The following PLXNA4 variants were observed in gnomAD, a reference collection of about 807,000 sequenced individuals.
PLXNA4 encodes the protein plexin A4, also known as plexin-A4.
A neutral mutation model predicts 191.8 loss-of-function variants in PLXNA4; 44 were observed. That is an observed-to-expected ratio of 0.23 (90% CI 0.18 to 0.29). The LOEUF is 0.29. Among genes scored for constraint, PLXNA4 ranks in the 10% least tolerant of loss-of-function variants. The probability of loss-of-function intolerance (pLI) is 1.00; values close to 1 mark genes in which losing one functional copy is unlikely to be tolerated. For synonymous variants in PLXNA4, 1,082 were observed against 1,009.5 expected (o/e 1.07, Z -1.36); for missense variants, 1,800 against 2,488.8 (o/e 0.72, Z 5.89).
At chr7:132,586,974 A>G (rs1462270421) in intron 2 of PLXNA4, among the ~76,000 whole-genome samples, 2 of 152,230 alleles carry the variant, frequency 1.3e-5, no homozygotes, top group African/African-American at 2.4e-5. Context: ...TAAGCTCAAT[A>G]TGAATCAATA....
chr7:132,508,492 C>T lies in PLXNA4; in HGVS notation c.202G>A (p.Val68Ile), dbSNP rs777642451. ...CTGGAGAGCTTGTAAATCCGATTGA[C>T]GGCCCCCAAGTAAATGTGTCCTGTC... ...ERTGHIYLGA[V>I]NRIYKLSSDL... Residue 68 changes from valine to isoleucine, a missense_variant, in exon 2 of 32, where the codon GTC (valine) becomes ATC (isoleucine). This residue lies in a region of PLXNA4 where 1,397 missense variants were observed against 1,880.4 expected (regional missense o/e 0.74). Coordinates refer to ENST00000321063, the MANE Select transcript of PLXNA4 (RefSeq NM_020911.2). The surrounding 1 kb of genome is among the most constrained non-coding windows in gnomAD (Gnocchi z 4.4). 9 of 1,614,056 alleles carry T rather than the reference C, an allele frequency of 5.6e-6. No individual in the cohort carries two copies. The highest frequency in any genetic ancestry group is 1.1e-5 in the South Asian group (1 of 91,086).
chr7:132,578,380 C>T (rs551430486), upstream of PLXNA4, among the ~76,000 whole-genome samples: 243 of 152,352 alleles, frequency 1.6e-3, 1 homozygote, highest in African/African-American at 5.7e-3. Flanking sequence ...GGCCTCCTCT[C>T]TCCTGTCCCT....
chr7:132,585,719 G>C (rs1802494475), intron 2 of PLXNA4, among the ~76,000 whole-genome samples: 1 of 152,178 alleles, frequency 6.6e-6, no homozygotes, highest in African/African-American at 2.4e-5. Flanking sequence ...CTCCTTTCCT[G>C]TTTATGTCCT....
At chr7:132,133,604 G>A (rs1795031121) in intron 30 of PLXNA4, among the ~76,000 whole-genome samples, 1 of 152,158 alleles carries the variant, frequency 6.6e-6, no homozygotes, top group Non-Finnish European at 1.5e-5. Flanking sequence ...GCTCTTCCGA[G>A]CGGTTGCTCT....
At chr7:132,439,976 G>GTGTGCA (rs202227972) in intron 3 of PLXNA4, among the ~76,000 whole-genome samples, 2 of 129,824 alleles carry the variant, frequency 1.5e-5, no homozygotes, top group Non-Finnish European at 1.6e-5. Flanking sequence ...GTGCACACAT[G>GTGTGCA]TGTGCATGTG....
intron 4 of PLXNA4, among the ~76,000 whole-genome samples, chr7:132,254,245 A>G (rs79601918): frequency 0.013 from 1,957 of 152,304 alleles, 38 homozygotes; most frequent in African/African-American, 0.045. Flanking sequence ...TGTGATCTCA[A>G]AAAAGTACAG....
chr7:132,285,396 C>T (rs578081838), intron 4 of PLXNA4, among the ~76,000 whole-genome samples: 1 of 152,308 alleles, frequency 6.6e-6, no homozygotes, highest in East Asian at 1.9e-4. Flanking sequence ...ACCTGTTCCT[C>T]CACCTCTTCA....
At chr7:132,560,858 G>C (rs1801008195) in intron 1 of PLXNA4, among the ~76,000 whole-genome samples, 3 of 152,020 alleles carry the variant, frequency 2.0e-5, no homozygotes, top group African/African-American at 7.2e-5. Flanking sequence ...TAATTCCTAC[G>C]ATGCACTTCT....
At position 132,223,417 on chromosome 7, in the gene PLXNA4, G is replaced by T. The variant is rs1798209006; in HGVS notation, c.2097+110C>A. 9.3e-6 allele frequency: 8 copies of T among 864,580 alleles called. No homozygotes were observed. The South Asian group carries it at 1.1e-4, about 12-fold the overall frequency. 53.6% of individuals were successfully genotyped at this position (864,580 alleles called of 1,614,324 possible). ...GACCCTTAAGAGCCAGGAAGAAGGG[G>T]GTGGTCCTGCACAGTTTTCCTTTGG... is the stretch of plus-strand genomic sequence containing the variant. On this transcript the variant is annotated intron_variant, in intron 9 of 31. Transcript: ENST00000321063.
chr7:132,585,150 C>A (rs1413383079), intron 2 of PLXNA4, among the ~76,000 whole-genome samples: 1 of 152,146 alleles, frequency 6.6e-6, no homozygotes, highest in Non-Finnish European at 1.5e-5. Context: ...CTGTTTGGCA[C>A]TAGATTGATT....
chr7:132,194,912 T>A (rs952422137), intron 13 of PLXNA4, among the ~76,000 whole-genome samples: 6 of 152,014 alleles, frequency 3.9e-5, no homozygotes, highest in Non-Finnish European at 8.8e-5. Context: ...GTATGTATCT[T>A]TGCAGACATA....
chr7:132,157,909 G>A (rs970196608), intron 25 of PLXNA4, among the ~76,000 whole-genome samples: 1 of 152,174 alleles, frequency 6.6e-6, no homozygotes, highest in African/African-American at 2.4e-5. Flanking sequence ...CACCCCATGA[G>A]TCTGTGGGCT....
chr7:132,436,365 C>T (rs1316418050), intron 3 of PLXNA4, among the ~76,000 whole-genome samples: 2 of 152,206 alleles, frequency 1.3e-5, no homozygotes, highest in Non-Finnish European at 2.9e-5. Flanking sequence ...AAGGCCATGG[C>T]AACGAACACC....
At chr7:132,264,900 G>A (rs987198825) in intron 4 of PLXNA4, among the ~76,000 whole-genome samples, 1 of 152,064 alleles carries the variant, frequency 6.6e-6, no homozygotes, top group Non-Finnish European at 1.5e-5. Flanking sequence ...GTTTCACCAT[G>A]TTGGCCAGGC....
intron 2 of PLXNA4, among the ~76,000 whole-genome samples, chr7:132,616,110 T>A (rs77777829): frequency 1.3e-5 from 2 of 152,074 alleles, no homozygotes; most frequent in African/African-American, 4.8e-5. Context: ...GGTCATGCTT[T>A]CTCTTGGCTC....
chr7:132,134,496 C>A (rs1360452694), intron 30 of PLXNA4, among the ~76,000 whole-genome samples: 1 of 152,186 alleles, frequency 6.6e-6, no homozygotes, highest in African/African-American at 2.4e-5. Flanking sequence ...CTGCTTTGAG[C>A]CACAGTGGTA....
intron 3 of PLXNA4, among the ~76,000 whole-genome samples, chr7:132,461,766 A>T (rs1363053172): frequency 6.6e-6 from 1 of 152,242 alleles, no homozygotes; most frequent in Non-Finnish European, 1.5e-5. Flanking sequence ...AGTCATTTCA[A>T]CAACTTTGAG....
chr7:132,544,241 T>C (rs1050961747), intron 1 of PLXNA4, among the ~76,000 whole-genome samples: 3 of 152,192 alleles, frequency 2.0e-5, no homozygotes, highest in Admixed American at 2.0e-4. Context: ...TAAGTGACAG[T>C]GGCCACTCTC....
chr7:132,344,193 G>T (rs1368537142), intron 3 of PLXNA4, among the ~76,000 whole-genome samples: 1 of 152,166 alleles, frequency 6.6e-6, no homozygotes, highest in African/African-American at 2.4e-5. Flanking sequence ...CCACAGCACA[G>T]AAGGGGTGCC....
Sources: gnomAD v4.1 joint callset for allele counts (sites outside exome capture counted in the v4.1 genomes callset) on GRCh38, gnomAD v4.1.1 for gene constraint, gnomAD v4.1.1 regional missense constraint, Gnocchi (gnomAD v3.1) non-coding constraint, MANE v1.5 for transcripts, NCBI Gene and HGNC (gene_info 2026-07-23, HGNC 2026-07-21) for gene names.